The following NAF1 variants were observed in gnomAD, a reference collection of about 807,000 sequenced individuals.
NAF1 encodes the protein nuclear assembly factor 1 ribonucleoprotein.
NAF1 carries 11 observed loss-of-function variants against 40.6 expected under a neutral mutation model. The observed-to-expected ratio is 0.27, with a 90% CI of 0.17 to 0.45. The LOEUF is 0.45. NAF1 is among the 20% of genes least tolerant of loss of function. The pLI is 1.00. For synonymous variants in NAF1, 260 were observed against 228.5 expected (o/e 1.14, Z -1.24); for missense variants, 607 against 611.1 (o/e 0.99, Z 0.07).
intron 6 of NAF1, chr4:163,136,184 T>C (rs895706547): frequency 1.3e-5 from 2 of 152,078 alleles, no homozygotes; most frequent in Non-Finnish European, 2.9e-5. Context: ...AAATCTGTAA[T>C]ACTGGCTGGG....
chr4:163,161,975 T>TCCCTACACATGCTCTCCTCACTCTC (rs1732243636), intron 2 of NAF1, among the ~76,000 whole-genome samples: 1 of 152,158 alleles, frequency 6.6e-6, no homozygotes, highest in African/African-American at 2.4e-5. Flanking sequence ...AGTGTTCATT[T>TCCCTACACATGCTCTCCTCACTCTC]TCCTACACAT....
In NAF1 at chr4:163,140,366, T is replaced by A. The variant is rs1731211890; in HGVS notation, c.735A>T (p.Gly245=). 1.2e-6 allele frequency: 2 copies of A among 1,604,286 alleles called. No homozygotes were observed. The highest frequency in any genetic ancestry group is 1.7e-6 in the Non-Finnish European group (2 of 1,177,072). The stretch of plus-strand genomic sequence containing the variant: ...ACACATAAAATGGATGTGCAACAGG[T>A]CCAAATATCTCGAATATCTGTAATA... ...QAAGKIFEIF[G]PVAHPFYVLR... The change falls in exon 5 of 8, where the codon GGA becomes GGT. Residue 245 remains glycine (G), a synonymous_variant. Coordinates refer to ENST00000274054, the MANE Select transcript of NAF1 (RefSeq NM_138386.3).
intron 1 of NAF1, 93 bp from the exon 2 acceptor site, chr4:163,164,484 CAA>C (rs1732369604): frequency 1.1e-6 from 1 of 906,484 alleles, no homozygotes; most frequent in Non-Finnish European, 1.6e-6. Flanking sequence ...AACTTTAATA[CAA>C]GTTTACTATT....
intron 2 of NAF1, among the ~76,000 whole-genome samples, chr4:163,111,396 C>T (rs1175397569): frequency 6.6e-6 from 1 of 152,130 alleles, no homozygotes; most frequent in Non-Finnish European, 1.5e-5. Flanking sequence ...AAGTAATATA[C>T]AATCCTTATT....
At chr4:163,111,622 G>A (rs1251106135) in intron 2 of NAF1, among the ~76,000 whole-genome samples, 2 of 152,154 alleles carry the variant, frequency 1.3e-5, no homozygotes, top group African/African-American at 4.8e-5. Flanking sequence ...GTGTCTGGAA[G>A]AGAAATGTGT....
At chr4:163,138,240 C>T (rs1334872003) in intron 5 of NAF1, among the ~76,000 whole-genome samples, 1 of 152,062 alleles carries the variant, frequency 6.6e-6, no homozygotes, top group African/African-American at 2.4e-5. Context: ...GGAACTTTGA[C>T]ATTATATATG....
Position 163,164,411 on chromosome 4 carries a change from T to C in NAF1, c.366-20A>G. 1 of 1,488,494 alleles carries C rather than the reference T, an allele frequency of 6.7e-7. No homozygotes were observed. The highest frequency in any genetic ancestry group is 8.9e-7 in the Non-Finnish European group (1 of 1,117,410). 92.2% of individuals were successfully genotyped at this position (1,488,494 alleles called of 1,614,324 possible). A position where few individuals can be genotyped will look rare whatever the true frequency, so the allele number is the denominator to read the frequency against. ...GTTTCACTGTAGGGAAGAAAACAGT[T>C]AAAAAAATAGTCCAGTATTATTATA... On this transcript the variant is annotated intron_variant, in intron 1 of 7. Coordinates refer to ENST00000274054, the MANE Select transcript of NAF1 (RefSeq NM_138386.3).
rs770649312 is a variant in NAF1 at position 163,164,361 on chromosome 4, C to T, written c.396G>A (p.Ser132=). The T allele has an allele frequency of 5.7e-6, 9 of 1,588,226 alleles. No individual in the cohort carries two copies. The South Asian group carries it at 5.8e-5, about 10-fold the overall frequency. The change falls in exon 2 of 8, where the codon TCG becomes TCA. Residue 132 remains serine, a synonymous_variant. Coordinates refer to ENST00000274054, the MANE Select transcript of NAF1 (RefSeq NM_138386.3). ...SETDSDSSSS[S]SSSSSSSSSS... is the part of the protein sequence containing the mutation. ...ACGATGAGGAAGATGAAGAGGAAGA[C>T]GATGAACTTGAACTATCTGAATCTG...
intron 2 of NAF1, among the ~76,000 whole-genome samples, chr4:163,110,682 A>G (rs1332183834): frequency 1.3e-5 from 2 of 152,208 alleles, no homozygotes; most frequent in African/African-American, 4.8e-5. Context: ...GAAAGAGGAC[A>G]GGAACTAGAG....
At chr4:163,116,388 G>T (rs889713540) in intron 2 of NAF1, among the ~76,000 whole-genome samples, 1 of 152,156 alleles carries the variant, frequency 6.6e-6, no homozygotes, top group Admixed American at 6.5e-5. Context: ...GTTCGTGTGT[G>T]TGTGTATGTC....
At chr4:163,163,995 G>A (rs932531887) in intron 2 of NAF1, among the ~76,000 whole-genome samples, 1 of 151,960 alleles carries the variant, frequency 6.6e-6, no homozygotes, top group Non-Finnish European at 1.5e-5. Context: ...TGCCATAATC[G>A]GAACAATTAT....
chr4:163,128,692 T>A lies in NAF1; in HGVS notation c.*205A>T. On this transcript the variant is annotated 3_prime_UTR_variant, in exon 8 of 8. Transcript: ENST00000274054. ...AATTTTAATTAAATATTACATAATT[T>A]AATGTTCTCCCAAGAATTTGAGCTG... 1 of 1,123,846 alleles carries A rather than the reference T, an allele frequency of 8.9e-7. No individual in the cohort carries two copies. The highest frequency in any genetic ancestry group is 1.1e-6 in the Non-Finnish European group (1 of 893,232). 69.6% of individuals were successfully genotyped at this position (1,123,846 alleles called of 1,614,324 possible).
chr4:163,163,542 G>A (rs532746362), intron 2 of NAF1, among the ~76,000 whole-genome samples: 1 of 152,194 alleles, frequency 6.6e-6, no homozygotes, highest in Admixed American at 6.5e-5. Context: ...ATTCTGAGAA[G>A]GCTTTCCTCT....
intron 2 of NAF1, among the ~76,000 whole-genome samples, chr4:163,150,278 CAA>C (rs1231842667): frequency 1.3e-5 from 2 of 151,898 alleles, no homozygotes; most frequent in African/African-American, 4.8e-5. Context: ...CCTATTTTTA[CAA>C]AAGGAAAAAT....
chr4:163,107,229 C>T (rs944998136), downstream of NAF1, among the ~76,000 whole-genome samples: 5 of 152,200 alleles, frequency 3.3e-5, no homozygotes, highest in South Asian at 2.1e-4. Flanking sequence ...TCAAGTGATC[C>T]GCCCGCCTTG....
chr4:163,133,604 A>G (rs367657084), intron 6 of NAF1: 299 of 187,436 alleles, frequency 1.6e-3, no homozygotes, highest in African/African-American at 6.8e-3. Context: ...GAGCCAATAA[A>G]AAACAGAAGA....
chr4:163,129,582 AAAC>A (rs776750300), intron 7 of NAF1, among the ~76,000 whole-genome samples: 14 of 152,168 alleles, frequency 9.2e-5, no homozygotes, highest in Non-Finnish European at 1.5e-4. Context: ...TACTCTAGCC[AAAC>A]ACCACAGAAG....
At chr4:163,116,138 TCAG>T (rs1730329975) in intron 2 of NAF1, among the ~76,000 whole-genome samples, 1 of 152,206 alleles carries the variant, frequency 6.6e-6, no homozygotes. Context: ...TGACACATCA[TCAG>T]TTTTTGATTG....
intron 2 of NAF1, among the ~76,000 whole-genome samples, chr4:163,154,896 A>C (rs4349556): frequency 0.26 from 39,315 of 151,460 alleles, 5,500 homozygotes; most frequent in African/African-American, 0.36. Context: ...AAAACAAAAA[A>C]AAAAAAACAG....
Sources: allele counts gnomAD v4.1 joint callset (sites outside exome capture counted in the v4.1 genomes callset), GRCh38; gene constraint gnomAD v4.1.1; transcripts MANE v1.5; gene names NCBI Gene and HGNC (gene_info 2026-07-23, HGNC 2026-07-21).